DOCK7: variants seen among roughly 807,000 people sequenced by gnomAD.
DOCK7 encodes dedicator of cytokinesis protein 7.
A neutral mutation model predicts 271.0 loss-of-function variants in DOCK7; 138 were observed. The observed-to-expected ratio is 0.51, with a 90% CI of 0.44 to 0.59. The LOEUF (loss-of-function observed/expected upper bound fraction) is 0.59, where lower values mean the gene tolerates loss of function less well. Among genes scored for constraint, DOCK7 ranks in the 20% least tolerant of loss-of-function variants. The pLI, the probability that DOCK7 is intolerant of heterozygous loss-of-function variation, is 0.00. For missense variants in DOCK7, 2,066 were observed against 2,592.4 expected (o/e 0.80, Z 4.41); for synonymous variants, 823 against 876.1 (o/e 0.94, Z 1.07).
intron 16 of DOCK7, among the ~76,000 whole-genome samples, chr1:62,580,423 T>C (rs1647078964): frequency 6.6e-6 from 1 of 152,180 alleles, no homozygotes; most frequent in Admixed American, 6.5e-5. Flanking sequence ...GTCATTTTAA[T>C]TCCACTAATG....
At chr1:62,600,539 T>C (rs986269012) in intron 14 of DOCK7, among the ~76,000 whole-genome samples, 2 of 151,732 alleles carry the variant, frequency 1.3e-5, no homozygotes, top group East Asian at 3.9e-4. Context: ...AAAAATAAAA[T>C]GTTACTGCTA....
intron 31 of DOCK7, among the ~76,000 whole-genome samples, chr1:62,519,559 AT>A (rs1644781822): frequency 6.6e-6 from 1 of 152,152 alleles, no homozygotes; most frequent in Non-Finnish European, 1.5e-5. Context: ...TCTGAGATGA[AT>A]CTTGAAAATG....
chr1:62,496,120 T>C (rs971480074), intron 38 of DOCK7, among the ~76,000 whole-genome samples: 2 of 152,194 alleles, frequency 1.3e-5, no homozygotes, highest in Non-Finnish European at 2.9e-5. Context: ...CTACTTATTA[T>C]AAATGCACAG....
intron 37 of DOCK7, among the ~76,000 whole-genome samples, chr1:62,499,647 G>T (rs563622975): frequency 3.2e-4 from 48 of 152,190 alleles, no homozygotes; most frequent in Non-Finnish European, 6.5e-4. Flanking sequence ...GCCAAGACAG[G>T]AGAGCTGCTT....
chr1:62,477,239 T>C (rs1411295990), intron 44 of DOCK7: 1 of 152,366 alleles, frequency 6.6e-6, no homozygotes, highest in Non-Finnish European at 1.5e-5. Context: ...TTATAAAGGT[T>C]AAAGGAAGTG....
intron 22 of DOCK7, among the ~76,000 whole-genome samples, chr1:62,547,633 G>GT (rs1484283290): frequency 1.3e-5 from 2 of 151,996 alleles, no homozygotes; most frequent in Non-Finnish European, 2.9e-5. Flanking sequence ...AGAAAGAAAC[G>GT]TATCAGTGCA....
At chr1:62,461,340 GAATT>G (rs1645519803) in intron 48 of DOCK7, among the ~76,000 whole-genome samples, 1 of 151,620 alleles carries the variant, frequency 6.6e-6, no homozygotes, top group Non-Finnish European at 1.5e-5. Context: ...TAAATTATTA[GAATT>G]AATAAGTAAG....
At chr1:62,644,526 T>A (rs969405513) in intron 7 of DOCK7, among the ~76,000 whole-genome samples, 3 of 152,196 alleles carry the variant, frequency 2.0e-5, no homozygotes, top group African/African-American at 7.2e-5. Flanking sequence ...TACAGAACAC[T>A]TACTCCTGGG....
intron 7 of DOCK7, among the ~76,000 whole-genome samples, chr1:62,646,267 A>G (rs1429697206): frequency 6.6e-6 from 1 of 152,140 alleles, no homozygotes; most frequent in Non-Finnish European, 1.5e-5. Context: ...ATATAATTCC[A>G]CTTACATGAA....
At chr1:62,683,769 T>C (rs755126720) in intron 1 of DOCK7, among the ~76,000 whole-genome samples, 4 of 151,574 alleles carry the variant, frequency 2.6e-5, no homozygotes, top group Non-Finnish European at 5.9e-5. Flanking sequence ...AACCCGTCTC[T>C]ACAAAAAGTG....
intron 4 of DOCK7, among the ~76,000 whole-genome samples, chr1:62,653,048 C>G (rs1657572913): frequency 6.6e-6 from 1 of 152,066 alleles, no homozygotes; most frequent in African/African-American, 2.4e-5. Context: ...AACTATAATG[C>G]CGTATCAGAA....
At position 62,575,136 on chromosome 1, in the gene DOCK7, A is replaced by C. The variant is rs74949318; in HGVS notation, c.2112+2126T>G. 6.0e-3 allele frequency among the ~76,000 whole-genome samples: 911 copies of C among 152,266 alleles called. 5 individuals carry two copies. The highest frequency in any genetic ancestry group is 0.011 in the Non-Finnish European group (745 of 68,002). ...AGCAAAGTGCAGCCTCGAACTCCAG[A>C]ACTCGAGTGATCCTCTCAAGAAGCT... is the stretch of plus-strand genomic sequence containing the variant. On this transcript the variant is annotated intron_variant, in intron 18 of 49. Coordinates refer to ENST00000635253, the MANE Select transcript of DOCK7 (RefSeq NM_001367561.1).
rs187398551 is a variant in DOCK7, at chr1:62,592,301, T to C, written c.1683-5677A>G. Among the ~76,000 whole-genome samples, 18 of 152,234 alleles carry C rather than the reference T, an allele frequency of 1.2e-4. No homozygotes were observed. In the East Asian group the frequency reaches 3.3e-3, roughly 28 times the overall value. On this transcript the variant is annotated intron_variant, in intron 14 of 49. Transcript: ENST00000635253. The stretch of plus-strand genomic sequence containing the variant: ...TAGTTGACACTTAGCAGGAAAAAGA[T>C]GAATTCCTATTTCAATCTCTCATCA...
At chr1:62,473,669 C>T (rs774341072) in intron 48 of DOCK7, among the ~76,000 whole-genome samples, 4 of 152,112 alleles carry the variant, frequency 2.6e-5, no homozygotes, top group African/African-American at 7.2e-5. Flanking sequence ...ACTACAGCCT[C>T]CAACTCCTAG....
intron 29 of DOCK7, among the ~76,000 whole-genome samples, chr1:62,533,759 T>C (rs1461915500): frequency 3.3e-5 from 5 of 152,228 alleles, no homozygotes; most frequent in Non-Finnish European, 7.3e-5. Flanking sequence ...ACTATGCCCC[T>C]GACATACTGC....
At chr1:62,613,397 A>T (rs1652041043) in intron 14 of DOCK7, among the ~76,000 whole-genome samples, 2 of 152,138 alleles carry the variant, frequency 1.3e-5, no homozygotes, top group South Asian at 4.1e-4. Context: ...TATGCAAATA[A>T]ATGTGACCAG....
At chr1:62,625,538 C>T (rs1653840692) in intron 11 of DOCK7, 137 bp from the exon 12 acceptor site, 1 of 814,864 alleles carries the variant, frequency 1.2e-6, no homozygotes. Context: ...GAGAATTTTG[C>T]TTTTGGAGAG....
rs528218037 is a variant in DOCK7 at position 62,559,532 on chromosome 1, T to C, written c.2200-312A>G. Reference sequence around the variant, plus strand: ...ATTAGTAACCTACTTTTGTCCATTATTAATTTATTGTCTTTCAGCTCCAAA... The same window carrying C: ...ATTAGTAACCTACTTTTGTCCATTACTAATTTATTGTCTTTCAGCTCCAAA... On this transcript the variant is annotated intron_variant, in intron 19 of 49. Coordinates refer to ENST00000635253, the MANE Select transcript of DOCK7 (RefSeq NM_001367561.1). Among the ~76,000 whole-genome samples, 3 of 152,236 alleles carry C rather than the reference T, an allele frequency of 2.0e-5. No individual in the cohort carries two copies. The South Asian group carries it at 6.2e-4, about 32-fold the overall frequency.
chr1:62,584,148 G>C (rs12042319), intron 15 of DOCK7: 2 of 980,752 alleles, frequency 2.0e-6, no homozygotes, highest in Non-Finnish European at 2.4e-6. Flanking sequence ...AGATTAATTG[G>C]CATCATCCTT....
Sources: gnomAD v4.1 joint callset for allele counts (sites outside exome capture counted in the v4.1 genomes callset) on GRCh38, gnomAD v4.1.1 for gene constraint, MANE v1.5 for transcripts, NCBI Gene and HGNC (gene_info 2026-07-23, HGNC 2026-07-21) for gene names.